Variants in TRPM3 observed in about 807,000 individuals in gnomAD.
The protein encoded by TRPM3 is long transient receptor potential channel 3.
Under a neutral mutation model 181.2 loss-of-function variants are expected in TRPM3, and 77 were observed. That is an observed-to-expected ratio of 0.42 (90% CI 0.35 to 0.51). TRPM3 has a LOEUF of 0.51. Ranked by LOEUF, TRPM3 falls within the 20% of genes least tolerant of loss-of-function variation. TRPM3 has a pLI of 0.01. For synonymous variants in TRPM3, 745 were observed against 796.4 expected (o/e 0.94, Z 1.09); for missense variants, 1,759 against 2,196.7 (o/e 0.80, Z 3.98).
chr9:71,350,198 C>T (rs971737152), intron 1 of TRPM3, among the ~76,000 whole-genome samples: 1 of 152,028 alleles, frequency 6.6e-6, no homozygotes, highest in African/African-American at 2.4e-5. Flanking sequence ...ATCTCACAGT[C>T]TATGAAAAGA....
At chr9:70,754,706 G>A (rs1256972078) in intron 8 of TRPM3, among the ~76,000 whole-genome samples, 1 of 152,170 alleles carries the variant, frequency 6.6e-6, no homozygotes, top group Non-Finnish European at 1.5e-5. Context: ...GCCAAACTTG[G>A]CAACGGTTAG....
In TRPM3 at chr9:71,215,368, T is replaced by C. The variant is rs74914625; in HGVS notation, c.183+231285A>G. Among the ~76,000 whole-genome samples the C allele has an allele frequency of 1.6e-3, 238 of 152,318 alleles. 6 individuals are homozygous for C. The East Asian group carries it at 0.042, about 27-fold the overall frequency. On this transcript the variant is annotated intron_variant, in intron 1 of 24. Coordinates refer to the TRPM3 transcript ENST00000357533. ...TCTGTATGCTTGTAACAGGCATTCCTGGTAGCCCTATCACCAAAAGCCTGC... is the reference window on the plus strand; with the variant it reads ...TCTGTATGCTTGTAACAGGCATTCCCGGTAGCCCTATCACCAAAAGCCTGC...
intron 9 of TRPM3, among the ~76,000 whole-genome samples, chr9:70,675,811 C>T (rs2063875857): frequency 1.3e-5 from 2 of 152,072 alleles, no homozygotes; most frequent in South Asian, 2.1e-4. Flanking sequence ...TTCCAAAGAT[C>T]GCTATCTCCT....
At chr9:70,693,144 C>T (rs796143207) in intron 8 of TRPM3, among the ~76,000 whole-genome samples, 2 of 152,116 alleles carry the variant, frequency 1.3e-5, no homozygotes, top group East Asian at 1.9e-4. Flanking sequence ...TAGATGACAA[C>T]GTGTCGTCTA....
At chr9:71,269,184 C>T (rs932561838) in intron 1 of TRPM3, among the ~76,000 whole-genome samples, 1 of 152,140 alleles carries the variant, frequency 6.6e-6, no homozygotes, top group Admixed American at 6.6e-5. Context: ...GTACATTATA[C>T]ACAAGGCTCT....
chr9:71,137,094 T>C (rs1047189282), intron 1 of TRPM3, among the ~76,000 whole-genome samples: 4 of 152,200 alleles, frequency 2.6e-5, no homozygotes, highest in Non-Finnish European at 4.4e-5. Flanking sequence ...ATTTTTTAGT[T>C]GTTGAAACTA....
At position 70,532,196 on chromosome 9, in the gene TRPM3, CCAAA is replaced by C. The variant is rs1290747304; in HGVS notation, c.*3753_*3756del. The C allele has an allele frequency of 2.0e-5, 3 of 152,082 alleles. No individual in the cohort carries two copies. The highest frequency in any genetic ancestry group is 3.9e-4 in the East Asian group (2 of 5,178). 9.4% of individuals were successfully genotyped at this position (152,082 alleles called of 1,614,324 possible). ...ATCATCTTTAAAGAAATTAAACAGC[CCAAA>C]CATTCAGGAAGATTAGACTGTACAG... On this transcript the variant is annotated 3_prime_UTR_variant, in exon 26 of 26. Transcript: ENST00000677713.
intron 1 of TRPM3, among the ~76,000 whole-genome samples, chr9:71,011,439 T>C (rs1309310270): frequency 6.6e-6 from 1 of 152,108 alleles, no homozygotes; most frequent in Admixed American, 6.5e-5. Flanking sequence ...AAACAAAAAA[T>C]CATTTTTTAA....
At chr9:71,400,340 G>T (rs1403949470) in intron 1 of TRPM3, among the ~76,000 whole-genome samples, 1 of 152,024 alleles carries the variant, frequency 6.6e-6, no homozygotes, top group African/African-American at 2.4e-5. Context: ...TAAGTGTTTG[G>T]CTCTGTAATT....
At chr9:70,553,081 C>T in intron 23 of TRPM3, 38 bp from the exon 24 acceptor site, 1 of 1,613,234 alleles carries the variant, frequency 6.2e-7, no homozygotes, top group South Asian at 1.1e-5. Flanking sequence ...TGAGAAAAAC[C>T]CACTGTTTTC....
intron 1 of TRPM3, among the ~76,000 whole-genome samples, chr9:71,160,661 G>A (rs1166727820): frequency 6.6e-6 from 1 of 152,110 alleles, no homozygotes; most frequent in Non-Finnish European, 1.5e-5. Context: ...GGCCTTCCTA[G>A]ATTCCACTGG....
At position 70,625,631 on chromosome 9, in the gene TRPM3, G is replaced by A; in HGVS notation, c.1633-114C>T. On this transcript the variant is annotated intron_variant, in intron 12 of 25. Transcript: ENST00000677713. The surrounding 1 kb of genome is among the most constrained non-coding windows in gnomAD (Gnocchi z 4.8). ...GGGAGAAAAAAACACCAGTGTAGAA[G>A]AAAGAAACACAAGGCTAGACAGGGC... 9.3e-7 allele frequency: 1 copy of A among 1,076,072 alleles called. No individual in the cohort carries two copies. The highest frequency in any genetic ancestry group is 1.5e-5 in the South Asian group (1 of 68,594). The allele number at this position is 1,076,072 out of a possible 1,614,324, so 66.7% of individuals were successfully genotyped here.
intron 1 of TRPM3, among the ~76,000 whole-genome samples, chr9:71,176,693 A>C (rs915581274): frequency 6.6e-6 from 1 of 152,080 alleles, no homozygotes; most frequent in Non-Finnish European, 1.5e-5. Flanking sequence ...ACTCACCCAG[A>C]GCAACTTCCA....
chr9:71,254,031 T>A (rs1484733467), intron 1 of TRPM3, among the ~76,000 whole-genome samples: 1 of 152,162 alleles, frequency 6.6e-6, no homozygotes, highest in Non-Finnish European at 1.5e-5. Context: ...ATGATTCTCC[T>A]GCCTCAGCCT....
chr9:71,017,849 G>A (rs2097797079), intron 1 of TRPM3, among the ~76,000 whole-genome samples: 1 of 151,632 alleles, frequency 6.6e-6, no homozygotes, highest in African/African-American at 2.4e-5. Context: ...GACATACATA[G>A]AACTCTATAC....
intron 1 of TRPM3, among the ~76,000 whole-genome samples, chr9:70,940,994 A>G (rs893893080): frequency 5.9e-5 from 9 of 152,250 alleles, no homozygotes; most frequent in South Asian, 2.1e-4. Flanking sequence ...CGTATGAATT[A>G]TGCAAGAGTG....
In TRPM3 at chr9:70,903,506, G is replaced by T. The variant is rs184947735; in HGVS notation, c.178-38995C>A. Among the ~76,000 whole-genome samples, 301 of 148,284 alleles carry T rather than the reference G, an allele frequency of 2.0e-3. 1 individual carries two copies. Among genetic ancestry groups the T allele is most frequent in the African/African-American group, 6.2e-3 (253 of 40,488 alleles). The stretch of plus-strand genomic sequence containing the variant: ...GCACTCCATTCAAAGTGTTTTTGGG[G>T]TTTTTTTTTTAATCCTGTAAAAAGA... On this transcript the variant is annotated intron_variant, in intron 1 of 25. Coordinates refer to ENST00000677713, the MANE Select transcript of TRPM3 (RefSeq NM_001366145.2).
rs553177992 is a variant in TRPM3 at position 71,105,579 on chromosome 9, T to C, written c.177+15599A>G. ...GGGTGGTCCCTAGTTGCCTGGTACC[T>C]GGCCTTGGGATGATTAAGGCAGAGG... is the stretch of plus-strand genomic sequence containing the variant. On this transcript the variant is annotated intron_variant, in intron 1 of 25. Transcript: ENST00000677713. Among the ~76,000 whole-genome samples, 3 of 152,206 alleles carry C rather than the reference T, an allele frequency of 2.0e-5. No individual in the cohort carries two copies. The East Asian group carries it at 5.8e-4, about 29-fold the overall frequency.
chr9:70,820,590 G>A (rs1183471722), intron 6 of TRPM3, among the ~76,000 whole-genome samples: 1 of 152,158 alleles, frequency 6.6e-6, no homozygotes, highest in African/African-American at 2.4e-5. Flanking sequence ...GAAGGTCCAA[G>A]TCTCAGGTTG....
Sources: allele counts gnomAD v4.1 joint callset (sites outside exome capture counted in the v4.1 genomes callset), GRCh38; gene constraint gnomAD v4.1.1; non-coding constraint Gnocchi (gnomAD v3.1); transcripts MANE v1.5; gene names NCBI Gene and HGNC (gene_info 2026-07-23, HGNC 2026-07-21).